The following FAM151A variants were observed in gnomAD, a reference collection of about 807,000 sequenced individuals.
The protein encoded by FAM151A is protein FAM151A.
Under a neutral mutation model 40.4 loss-of-function variants are expected in FAM151A, and 41 were observed. The ratio of observed to expected loss-of-function variants is 1.01; its 90% CI spans 0.79 to 1.32. The LOEUF (loss-of-function observed/expected upper bound fraction) is 1.32. Among genes scored for constraint, FAM151A ranks in the 40% most tolerant of loss-of-function variants. FAM151A has a pLI of 0.00. For synonymous variants in FAM151A, 337 were observed against 312.5 expected (o/e 1.08, Z -0.83); for missense variants, 740 against 740.4 (o/e 1.00, Z 0.01).
Position 54,610,498 on chromosome 1 carries a change from T to G in FAM151A, c.998A>C (p.Gln333Pro). The G allele has an allele frequency of 6.2e-7, 1 of 1,613,370 alleles. No homozygotes were observed. Among genetic ancestry groups the G allele is most frequent in the Non-Finnish European group, 8.5e-7 (1 of 1,179,594 alleles). Residue 333 changes from glutamine (Q) to proline (P), a missense_variant, in exon 7 of 8, where the codon CAG (glutamine) becomes CCG (proline). Coordinates refer to ENST00000302250, the MANE Select transcript of FAM151A (RefSeq NM_176782.3). ...YTGGSLIPLL[Q>P]LPGDDGLNVE... ...ATTCAGACCGTCATCCCCAGGCAGC[T>G]GGAGAAGAGGGATCAGGCTGCCTCC...
At chr1:54,610,976 G>T in intron 6 of FAM151A, 2 of 985,418 alleles carry the variant, frequency 2.0e-6, no homozygotes, top group Non-Finnish European at 2.4e-6. Context: ...TGAAACATTA[G>T]AGTAACCAGC....
chr1:54,612,540 G>A lies in FAM151A; in HGVS notation c.746C>T (p.Ser249Phe). ...GTGGGGCCAGGCAGCCCGCACCATG[G>A]AAGACCGTACAGGGAAGGTGACCCT... is the stretch of plus-strand genomic sequence containing the variant. ...PQRVTFPVRS[S>F]MVRAAWPHFS... Residue 249 changes from serine to phenylalanine, a missense_variant, in exon 5 of 8, where the codon TCC becomes TTC. Coordinates refer to ENST00000302250, the MANE Select transcript of FAM151A (RefSeq NM_176782.3). 6.2e-7 allele frequency: 1 copy of A among 1,614,078 alleles called. No homozygotes were observed.
At chr1:54,610,576 A>G in intron 6 of FAM151A, 21 bp from the exon 7 acceptor site, 1 of 1,606,216 alleles carries the variant, frequency 6.2e-7, no homozygotes. Flanking sequence ...CCAAATCGCC[A>G]AGGTGAAGTG....
chr1:54,610,671 C>G, intron 6 of FAM151A, 116 bp from the exon 7 acceptor site: 2 of 1,457,654 alleles, frequency 1.4e-6, no homozygotes, highest in Non-Finnish European at 1.8e-6. Flanking sequence ...CCTCATAGCA[C>G]CCTGCCAAGT....
chr1:54,613,456 TTC>T (rs1254915559), intron 4 of FAM151A, among the ~76,000 whole-genome samples: 1 of 151,972 alleles, frequency 6.6e-6, no homozygotes, highest in Non-Finnish European at 1.5e-5. Flanking sequence ...CTTCATGTCT[TTC>T]TCTCTTTTCT....
chr1:54,614,914 G>T (rs1478416003), intron 3 of FAM151A, 55 bp from the exon 4 acceptor site: 10 of 1,572,030 alleles, frequency 6.4e-6, no homozygotes, highest in Admixed American at 3.5e-5. Context: ...AGGAATACAT[G>T]ACTCCCTGGG....
intron 1 of FAM151A, 104 bp downstream of exon 1, chr1:54,623,174 T>C (rs1422992967): frequency 2.7e-6 from 2 of 746,454 alleles, no homozygotes; most frequent in East Asian, 2.6e-5. Flanking sequence ...CAAAACTCCG[T>C]CTAAAAAAAA....
At chr1:54,612,076 G>C (rs1178219733) in intron 5 of FAM151A, among the ~76,000 whole-genome samples, 1 of 150,750 alleles carries the variant, frequency 6.6e-6, no homozygotes, top group Non-Finnish European at 1.5e-5. Flanking sequence ...AAGAGGGGGA[G>C]GGGGCAGCTT....
intron 1 of FAM151A, among the ~76,000 whole-genome samples, chr1:54,622,922 C>A (rs1260521961): frequency 6.6e-6 from 1 of 152,118 alleles, no homozygotes; most frequent in South Asian, 2.1e-4. Flanking sequence ...CACCTGTAAT[C>A]CCAGCACTTT....
rs2101016067 is a variant in FAM151A, at chr1:54,612,506, C to A, written c.780G>T (p.Trp260Cys). 1 of 1,613,748 alleles carries A rather than the reference C, an allele frequency of 6.2e-7. No individual in the cohort carries two copies. The highest frequency in any genetic ancestry group is 8.5e-7 in the Non-Finnish European group (1 of 1,179,832). ...TTCACCTCTCAGATTGGCTCAGCAG[C>A]CAGCTGAAGTGGGGCCAGGCAGCCC... ...MVRAAWPHFS[W>C]LLSQSERYSL... The change falls in exon 5 of 8, where the codon TGG becomes TGT. Residue 260 changes from tryptophan (W) to cysteine (C), a missense_variant. Transcript: ENST00000302250.
chr1:54,609,595 T>C lies in FAM151A; in HGVS notation c.1431A>G (p.Ala477=), dbSNP rs1644087215. 3 of 1,613,214 alleles carry C rather than the reference T, an allele frequency of 1.9e-6. No homozygotes were observed. The highest frequency in any genetic ancestry group is 4.5e-5 in the East Asian group (2 of 44,892). The change falls in exon 8 of 8, where the codon GCA becomes GCG. Residue 477 remains alanine, a synonymous_variant. Transcript: ENST00000302250. ...CCAGCACCTCCTCAGGCCAGCCTGGTGCCACAGTCACGTGGGGGAAGACCT... is the reference window on the plus strand; with the variant it reads ...CCAGCACCTCCTCAGGCCAGCCTGGCGCCACAGTCACGTGGGGGAAGACCT... The part of the protein sequence containing the change: ...VAEVFPHVTV[A]PGWPEEVLGS...
rs1035053450 is a variant in FAM151A at position 54,623,429 on chromosome 1, T to G, written c.-34A>C. 4 of 1,549,278 alleles carry G rather than the reference T, an allele frequency of 2.6e-6. No homozygotes were observed. In the African/African-American group the frequency reaches 5.4e-5, roughly 21 times the overall value. On this transcript the variant is annotated 5_prime_UTR_variant, in exon 1 of 8. Coordinates refer to ENST00000302250, the MANE Select transcript of FAM151A (RefSeq NM_176782.3). ...TCTCTGGGGAATGCCCCCAACTCCG[T>G]GCGGCCCAGAGTCCCTGAGGCTCCC...
chr1:54,610,717 T>C (rs1216941194), intron 6 of FAM151A, 162 bp from the exon 7 acceptor site: 4 of 979,318 alleles, frequency 4.1e-6, no homozygotes, highest in Non-Finnish European at 4.8e-6. Context: ...CTAGAAGAAG[T>C]GACTTGCCCA....
At position 54,623,360 on chromosome 1, in the gene FAM151A, G is replaced by A; in HGVS notation, c.36C>T (p.Val12=). The change falls in exon 1 of 8, where the codon GTC becomes GTT. Residue 12 remains valine (V), a synonymous_variant. Coordinates refer to ENST00000302250, the MANE Select transcript of FAM151A (RefSeq NM_176782.3). ...VCREQLSKNQ[V]KWVFAGITCV... ...AGGTAATGCCGGCAAACACCCACTTGACCTGATTCTTTGATAACTGCTCCC... is the reference window on the plus strand; with the variant it reads ...AGGTAATGCCGGCAAACACCCACTTAACCTGATTCTTTGATAACTGCTCCC... The A allele has an allele frequency of 6.2e-7, 1 of 1,613,894 alleles. No homozygotes were observed. The highest frequency in any genetic ancestry group is 8.5e-7 in the Non-Finnish European group (1 of 1,179,938).
rs767843346 is a variant in FAM151A at position 54,612,533 on chromosome 1, C to A, written c.753G>T (p.Val251=). Residue 251 remains valine (V), a synonymous_variant, in exon 5 of 8, where the codon GTG becomes GTT. Transcript: ENST00000302250. ...AGCTGAAGTGGGGCCAGGCAGCCCG[C>A]ACCATGGAAGACCGTACAGGGAAGG... ...RVTFPVRSSM[V]RAAWPHFSWL... is the part of the protein sequence containing the mutation. 9 of 1,614,056 alleles carry A rather than the reference C, an allele frequency of 5.6e-6. No individual in the cohort carries two copies. Among genetic ancestry groups the A allele is most frequent in the Non-Finnish European group, 7.6e-6 (9 of 1,180,026 alleles).
Position 54,611,662 on chromosome 1 carries a change from T to C in FAM151A, c.884A>G (p.His295Arg). Reference sequence around the variant, plus strand: ...CTCAAAGATGTCATAGTAGACTTGGTGGACAGCAGTGTTATCCCGGACGTA... The same window carrying C: ...CTCAAAGATGTCATAGTAGACTTGGCGGACAGCAGTGTTATCCCGGACGTA... ...LLYVRDNTAVHQVYYDIFEPL... is the reference protein window; with the variant it reads ...LLYVRDNTAVRQVYYDIFEPL... The change falls in exon 6 of 8, where the codon CAC becomes CGC. Residue 295 changes from histidine to arginine, a missense_variant. Transcript: ENST00000302250. The C allele has an allele frequency of 6.2e-7, 1 of 1,614,054 alleles. No individual in the cohort carries two copies. Among genetic ancestry groups the C allele is most frequent in the Non-Finnish European group, 8.5e-7 (1 of 1,179,984 alleles).
At chr1:54,613,231 T>G (rs1468976651) in intron 4 of FAM151A, among the ~76,000 whole-genome samples, 1 of 151,678 alleles carries the variant, frequency 6.6e-6, no homozygotes, top group African/African-American at 2.4e-5. Context: ...AATACAAAAT[T>G]AGCTGAACGT....
At chr1:54,616,754 G>A (rs1197282522) in intron 2 of FAM151A, among the ~76,000 whole-genome samples, 1 of 152,080 alleles carries the variant, frequency 6.6e-6, no homozygotes, top group Non-Finnish European at 1.5e-5. Context: ...ACATTTCCAC[G>A]ATCTTTTTTT....
At chr1:54,610,772 T>C (rs1644109289) in intron 6 of FAM151A, 1 of 984,334 alleles carries the variant, frequency 1.0e-6, no homozygotes. Flanking sequence ...TGGAACCTGA[T>C]GGGACCAGGT....
Sources: allele counts gnomAD v4.1 joint callset (sites outside exome capture counted in the v4.1 genomes callset), GRCh38; gene constraint gnomAD v4.1.1; transcripts MANE v1.5; gene names NCBI Gene and HGNC (gene_info 2026-07-23, HGNC 2026-07-21).